HDAC9: variants seen among roughly 807,000 people sequenced by gnomAD.
The protein encoded by HDAC9 is histone deacetylase 9, also known as MEF-2 interacting transcription repressor (MITR) protein.
HDAC9 carries 41 observed loss-of-function variants against 139.4 expected under a neutral mutation model. That is an observed-to-expected ratio of 0.29 (90% CI 0.23 to 0.38). The LOEUF (loss-of-function observed/expected upper bound fraction) is 0.38. HDAC9 is among the 10% of genes least tolerant of loss of function. The pLI is 1.00. For synonymous variants in HDAC9, 517 were observed against 476.2 expected, an observed-to-expected ratio of 1.09 and a Z score of -1.12; for missense variants, 1,147 against 1,297.0, an observed-to-expected ratio of 0.88 and a Z score of 1.78.
chr7:18,982,535 C>T (rs1039097326), intron 25 of HDAC9, among the ~76,000 whole-genome samples: 1 of 152,064 alleles, frequency 6.6e-6, no homozygotes, highest in East Asian at 1.9e-4. Context: ...TGCACACGTT[C>T]TAAGATTTTT....
chr7:18,987,846 T>C (rs1036795245), intron 25 of HDAC9, among the ~76,000 whole-genome samples: 2 of 152,328 alleles, frequency 1.3e-5, no homozygotes, highest in African/African-American at 4.8e-5. Context: ...TTTTCTAGTT[T>C]ATTGGCGTAG....
At chr7:18,245,277 C>G (rs1028094655) in intron 2 of HDAC9, among the ~76,000 whole-genome samples, 4 of 152,170 alleles carry the variant, frequency 2.6e-5, no homozygotes, top group East Asian at 1.9e-4. Flanking sequence ...CTTGTGGTAT[C>G]GTCACATCAG....
At chr7:18,302,815 G>A (rs1348915621) in intron 1 of HDAC9, among the ~76,000 whole-genome samples, 2 of 152,176 alleles carry the variant, frequency 1.3e-5, no homozygotes, top group African/African-American at 2.4e-5. Context: ...AGTCATTTGA[G>A]TGACTTTAGG....
In HDAC9 at chr7:18,310,561, A is replaced by G. The variant is rs1289421609; in HGVS notation, c.-42+20046A>G. 3.9e-5 allele frequency among the ~76,000 whole-genome samples: 6 copies of G among 152,282 alleles called. No individual in the cohort carries two copies. The South Asian group carries it at 6.2e-4, about 16-fold the overall frequency. ...TCAGAGGCATAACAAAAAATTATGC[A>G]TACACTCACGTTTAACTTCTCCTGA... is the stretch of plus-strand genomic sequence containing the variant. On this transcript the variant is annotated intron_variant, in intron 1 of 3. Transcript: ENST00000413509.
intron 2 of HDAC9, among the ~76,000 whole-genome samples, chr7:18,569,970 A>C (rs192025231): frequency 1.2e-4 from 19 of 152,320 alleles, no homozygotes; most frequent in Non-Finnish European, 2.2e-4. Flanking sequence ...TCTTCAATTA[A>C]AAAGTAATCT....
intron 2 of HDAC9, among the ~76,000 whole-genome samples, chr7:18,520,249 T>G (rs1403904041): frequency 6.6e-6 from 1 of 152,144 alleles, no homozygotes; most frequent in Non-Finnish European, 1.5e-5. Flanking sequence ...TCATGCTATA[T>G]TTTTCTTTTC....
intron 12 of HDAC9, among the ~76,000 whole-genome samples, chr7:18,712,153 T>C (rs1291591176): frequency 6.6e-6 from 1 of 152,178 alleles, no homozygotes; most frequent in Non-Finnish European, 1.5e-5. Context: ...AAGTCTTCCT[T>C]AAATTTAAAT....
At chr7:18,932,055 T>C (rs1804792328) in intron 22 of HDAC9, among the ~76,000 whole-genome samples, 1 of 152,140 alleles carries the variant, frequency 6.6e-6, no homozygotes, top group Non-Finnish European at 1.5e-5. Context: ...TGATGCAAAA[T>C]GTTAATATGG....
At chr7:18,620,797 T>C (rs868398334) in intron 6 of HDAC9, among the ~76,000 whole-genome samples, 35 of 152,314 alleles carry the variant, frequency 2.3e-4, no homozygotes, top group South Asian at 8.3e-4. Context: ...TCTGCGATGC[T>C]TCCAATGACT....
intron 1 of HDAC9, among the ~76,000 whole-genome samples, chr7:18,310,665 G>T (rs969352504): frequency 1.1e-4 from 17 of 152,264 alleles, no homozygotes; most frequent in African/African-American, 4.1e-4. Flanking sequence ...AATTGTCCAT[G>T]ATACCAATTC....
intron 22 of HDAC9, among the ~76,000 whole-genome samples, chr7:18,922,982 GA>G (rs772853864): frequency 2.6e-5 from 4 of 152,040 alleles, no homozygotes; most frequent in Non-Finnish European, 4.4e-5. Context: ...TTTGAAGTTG[GA>G]AATTATTAGG....
At chr7:18,304,788 AAT>A (rs1352796693) in intron 1 of HDAC9, among the ~76,000 whole-genome samples, 1 of 152,164 alleles carries the variant, frequency 6.6e-6, no homozygotes, top group African/African-American at 2.4e-5. Context: ...AAGACTTAAG[AAT>A]ATGTCTTGTG....
At chr7:18,669,426 G>C (rs1388789233) in intron 12 of HDAC9, among the ~76,000 whole-genome samples, 1 of 151,766 alleles carries the variant, frequency 6.6e-6, no homozygotes, top group African/African-American at 2.4e-5. Context: ...GTGAGGAATA[G>C]GAGCCTGATT....
chr7:18,579,953 G>A (rs999266831), intron 2 of HDAC9, among the ~76,000 whole-genome samples: 5 of 152,114 alleles, frequency 3.3e-5, no homozygotes, highest in Non-Finnish European at 7.4e-5. Flanking sequence ...AAAATGGTTG[G>A]CATCTTGCTT....
At chr7:18,941,863 G>T (rs774736616) in intron 23 of HDAC9, among the ~76,000 whole-genome samples, 1 of 152,112 alleles carries the variant, frequency 6.6e-6, no homozygotes, top group Non-Finnish European at 1.5e-5. Flanking sequence ...AGCCAAATTG[G>T]TTGTGGATTT....
At chr7:18,271,889 G>A (rs940841280) in intron 2 of HDAC9, among the ~76,000 whole-genome samples, 1 of 152,192 alleles carries the variant, frequency 6.6e-6, no homozygotes, top group Non-Finnish European at 1.5e-5. Context: ...AACATTGATA[G>A]CATTTAGTAA....
At chr7:18,335,116 C>T (rs1781490058) in intron 1 of HDAC9, among the ~76,000 whole-genome samples, 2 of 151,390 alleles carry the variant, frequency 1.3e-5, no homozygotes, top group African/African-American at 4.8e-5. Flanking sequence ...AGAAAGTCTT[C>T]ATATTGAAAG....
At chr7:18,732,948 CGTGTAT>C (rs1468084396) in intron 13 of HDAC9, among the ~76,000 whole-genome samples, 5 of 116,784 alleles carry the variant, frequency 4.3e-5, no homozygotes, top group African/African-American at 9.2e-5. Flanking sequence ...TGTATACACA[CGTGTAT>C]GTGTGTGTAT....
chr7:18,906,390 C>G (rs903870902), intron 22 of HDAC9, among the ~76,000 whole-genome samples: 3 of 152,166 alleles, frequency 2.0e-5, no homozygotes, highest in Admixed American at 2.0e-4. Flanking sequence ...GGTGATCCAC[C>G]TGCCTCGGCC....
Sources: allele counts gnomAD v4.1 joint callset (sites outside exome capture counted in the v4.1 genomes callset), GRCh38; gene constraint gnomAD v4.1.1; transcripts MANE v1.5; gene names NCBI Gene and HGNC (gene_info 2026-07-23, HGNC 2026-07-21).